COPA: variants seen among roughly 807,000 people sequenced by gnomAD.
COPA encodes the protein coat protein complex I subunit alpha.
Under a neutral mutation model 158.7 loss-of-function variants are expected in COPA, and 10 were observed. The ratio of observed to expected loss-of-function variants is 0.06; its 90% CI spans 0.04 to 0.11. COPA has a LOEUF of 0.11. COPA is among the 10% of genes least tolerant of loss of function. The probability of loss-of-function intolerance (pLI) is 1.00; values close to 1 mark genes in which losing one functional copy is unlikely to be tolerated. For synonymous variants in COPA, 462 were observed against 542.8 expected, an observed-to-expected ratio of 0.85 and a Z score of 2.07; for missense variants, 1,065 against 1,536.7, an observed-to-expected ratio of 0.69 and a Z score of 5.13.
At chr1:160,322,882 T>C (rs1396579059) in intron 8 of COPA, among the ~76,000 whole-genome samples, 1 of 152,190 alleles carries the variant, frequency 6.6e-6, no homozygotes, top group African/African-American at 2.4e-5. Flanking sequence ...AAGCGGTATC[T>C]GCATCCCCAT....
At chr1:160,324,017 T>C (rs6427513) in intron 7 of COPA, among the ~76,000 whole-genome samples, 109,315 of 151,906 alleles carry the variant, frequency 0.72, 40,943 homozygotes, top group African/African-American at 0.94. Context: ...CCCACCACCA[T>C]ACCCGGCTAA....
At chr1:160,310,283 GA>G in intron 11 of COPA, 25 bp from the exon 12 acceptor site, 3 of 1,464,236 alleles carry the variant, frequency 2.0e-6, no homozygotes, top group South Asian at 1.2e-5. Flanking sequence ...AGAAAAAGGA[GA>G]AAACAGGGAA....
intron 14 of COPA, 42 bp downstream of exon 14, chr1:160,307,121 C>A (rs1421139564): frequency 6.3e-7 from 1 of 1,595,050 alleles, no homozygotes; most frequent in Non-Finnish European, 8.6e-7. Flanking sequence ...GCCACTGCCA[C>A]CACACTCCCC....
At chr1:160,316,987 A>G (rs569233511) in intron 8 of COPA, among the ~76,000 whole-genome samples, 37 of 152,286 alleles carry the variant, frequency 2.4e-4, no homozygotes, top group African/African-American at 8.2e-4. Flanking sequence ...AATACACAAC[A>G]GAAAAGAAGC....
chr1:160,320,608 CAA>C (rs56849348), intron 8 of COPA, among the ~76,000 whole-genome samples: 1 of 15,502 alleles, frequency 6.5e-5, no homozygotes, highest in African/African-American at 3.1e-4. Context: ...GACTCCAACT[CAA>C]AAAAAAAAAA....
chr1:160,308,065 C>G (rs1338811715), intron 13 of COPA, among the ~76,000 whole-genome samples: 4 of 152,120 alleles, frequency 2.6e-5, no homozygotes, highest in Non-Finnish European at 5.9e-5. Context: ...TGTTGCCCAC[C>G]ACTGGGCTGC....
At position 160,290,198 on chromosome 1, in the gene COPA, C is replaced by A; in HGVS notation, c.3634G>T (p.Asp1212Tyr). The change falls in exon 33 of 33, where the codon GAT becomes TAT. Residue 1212 changes from aspartate to tyrosine, a missense_variant. By Grantham distance (160) the Asp-to-Tyr change is radical (BLOSUM62 -3). Around this residue, in one of 2 missense-constraint regions of COPA, gnomAD observed 980 missense variants for 1,357.8 expected, o/e 0.72. Coordinates refer to ENST00000241704, the MANE Select transcript of COPA (RefSeq NM_004371.4). ...GGACTGATCCTTAAACCAATCACAT[C>A]TTTGCCAATCTCTGTCACCTGTGGA... is the stretch of plus-strand genomic sequence containing the variant. Reference protein sequence around the residue: ...RVTTVTEIGKDVIGLRISPLQ... With the variant: ...RVTTVTEIGKYVIGLRISPLQ... The A allele has an allele frequency of 6.2e-7, 1 of 1,614,100 alleles. No individual in the cohort carries two copies. Among genetic ancestry groups the A allele is most frequent in the Non-Finnish European group, 8.5e-7 (1 of 1,180,006 alleles).
chr1:160,325,929 CTCT>C (rs1305235954), intron 6 of COPA, among the ~76,000 whole-genome samples: 1 of 152,214 alleles, frequency 6.6e-6, no homozygotes, highest in Non-Finnish European at 1.5e-5. Flanking sequence ...ACACTTTAAC[CTCT>C]TCTTCCACAA....
At chr1:160,309,621 G>C (rs1362455305) in intron 12 of COPA, among the ~76,000 whole-genome samples, 1 of 151,760 alleles carries the variant, frequency 6.6e-6, no homozygotes, top group Non-Finnish European at 1.5e-5. Context: ...AGAAAACTCA[G>C]AGTATGGGAC....
intron 7 of COPA, among the ~76,000 whole-genome samples, chr1:160,324,285 CT>C (rs750360211): frequency 0.021 from 2,123 of 102,390 alleles, 48 homozygotes; most frequent in African/African-American, 0.061. Context: ...CTTCTTCATT[CT>C]TTTTTTTTTT....
intron 11 of COPA, 98 bp downstream of exon 11, chr1:160,311,770 T>C (rs964692958): frequency 1.2e-5 from 14 of 1,162,360 alleles, no homozygotes; most frequent in Non-Finnish European, 1.6e-5. Flanking sequence ...ATAAATAAAA[T>C]AAATAAATGA....
At chr1:160,339,105 G>T (rs113409561) in intron 3 of COPA, among the ~76,000 whole-genome samples, 3 of 130,766 alleles carry the variant, frequency 2.3e-5, no homozygotes, top group African/African-American at 1.0e-4. Flanking sequence ...CTGAAAGTCA[G>T]CTCATTTATT....
Position 160,314,012 on chromosome 1 carries a change from G to T in COPA, c.820C>A (p.Arg274=), listed in dbSNP as rs764849788. The T allele has an allele frequency of 2.6e-5, 42 of 1,613,376 alleles. No homozygotes were observed. The highest frequency in any genetic ancestry group is 3.5e-5 in the Non-Finnish European group (41 of 1,179,776). ...TACCGCTTAGACATATCCCAGACTCGAATACTCTTGTCCTCAGAATTGCTG... is the reference window on the plus strand; with the variant it reads ...TACCGCTTAGACATATCCCAGACTCTAATACTCTTGTCCTCAGAATTGCTG... ...ILSNSEDKSI[R]VWDMSKRTGV... The change falls in exon 9 of 33, where the codon CGA becomes AGA. Residue 274 remains arginine, a synonymous_variant. Transcript: ENST00000241704.
intron 31 of COPA, 66 bp downstream of exon 31, chr1:160,291,269 T>G (rs1213237951): frequency 1.3e-6 from 2 of 1,555,262 alleles, no homozygotes; most frequent in Non-Finnish European, 8.8e-7. Flanking sequence ...GCAAGGACCT[T>G]GGTCTGCTCC....
At position 160,290,551 on chromosome 1, in the gene COPA, G is replaced by T. The variant is rs1281324220; in HGVS notation, c.3556C>A (p.Pro1186Thr). 6.2e-7 allele frequency: 1 copy of T among 1,614,194 alleles called. No individual in the cohort carries two copies. The highest frequency in any genetic ancestry group is 1.1e-5 in the South Asian group (1 of 91,078). The change falls in exon 32 of 33, where the codon CCA becomes ACA. Residue 1186 changes from proline (P) to threonine (T), a missense_variant. Coordinates refer to ENST00000241704, the MANE Select transcript of COPA (RefSeq NM_004371.4). Reference protein sequence around the residue: ...IYRGKPVEKCPLSGACYSPEF... With the variant: ...IYRGKPVEKCTLSGACYSPEF... The stretch of plus-strand genomic sequence containing the variant: ...GGGGAATAGCAGGCCCCACTGAGTG[G>T]ACACTTTTCTACTGGCTTTCCACGG...
chr1:160,313,044 T>C, intron 10 of COPA, 41 bp downstream of exon 10: 1 of 1,562,806 alleles, frequency 6.4e-7, no homozygotes, highest in Non-Finnish European at 8.8e-7. Flanking sequence ...ACTTATAAAC[T>C]TTGAATTAAG....
intron 5 of COPA, 93 bp downstream of exon 5, chr1:160,333,510 T>G: frequency 1.1e-6 from 1 of 885,544 alleles, no homozygotes. Flanking sequence ...ACATAGTCCA[T>G]TTGAGAAGGG....
At chr1:160,311,835 AG>A (rs1449158074) in intron 11 of COPA, 32 bp downstream of exon 11, 1 of 1,588,734 alleles carries the variant, frequency 6.3e-7, no homozygotes, top group Non-Finnish European at 8.6e-7. Context: ...GACAGATGAG[AG>A]GGTTTGGAGG....
chr1:160,296,123 T>C lies in COPA; in HGVS notation c.2290A>G (p.Thr764Ala). ...TCAGCTTCTTCATCTAAGCCATGGGTAGCAGCTGTGAGATAGGCCAGGGAC... is the reference window on the plus strand; with the variant it reads ...TCAGCTTCTTCATCTAAGCCATGGGCAGCAGCTGTGAGATAGGCCAGGGAC... ...QKSLAYLTAA[T>A]HGLDEEAESL... The change falls in exon 22 of 33, where the codon ACC becomes GCC. Residue 764 changes from threonine (T) to alanine (A), a missense_variant. Thr to Ala is a moderately conservative substitution (Grantham distance 58). Around this residue, in one of 2 missense-constraint regions of COPA, gnomAD observed 980 missense variants for 1,357.8 expected, o/e 0.72. Transcript: ENST00000241704. The C allele has an allele frequency of 6.2e-7, 1 of 1,614,190 alleles. No homozygotes were observed. Among genetic ancestry groups the C allele is most frequent in the South Asian group, 1.1e-5 (1 of 91,088 alleles).
Sources: gnomAD v4.1 joint callset for allele counts (sites outside exome capture counted in the v4.1 genomes callset) on GRCh38, gnomAD v4.1.1 for gene constraint, gnomAD v4.1.1 regional missense constraint, MANE v1.5 for transcripts, NCBI Gene and HGNC (gene_info 2026-07-23, HGNC 2026-07-21) for gene names.